The following PRKD1 variants were observed in gnomAD, a reference collection of about 807,000 sequenced individuals.
PRKD1 encodes the protein protein kinase D1.
In PRKD1, 63 loss-of-function variants were observed where a neutral mutation model predicts 95.9. The observed-to-expected ratio is 0.66, with a 90% CI of 0.54 to 0.81. PRKD1 has a LOEUF of 0.81. Ranked by LOEUF, PRKD1 falls within the 30% of genes least tolerant of loss-of-function variation. PRKD1 has a pLI of 0.00. For missense variants in PRKD1, 1,048 were observed against 1,165.3 expected, an observed-to-expected ratio of 0.90 and a Z score of 1.47; for synonymous variants, 425 against 423.1, an observed-to-expected ratio of 1.00 and a Z score of -0.05.
intron 1 of PRKD1, among the ~76,000 whole-genome samples, chr14:29,829,569 A>T (rs1337108358): frequency 6.6e-6 from 1 of 152,136 alleles, no homozygotes; most frequent in Non-Finnish European, 1.5e-5. Context: ...GTTTCTTTGC[A>T]TGTTCATTTG....
chr14:29,716,687 G>A (rs545851027), intron 2 of PRKD1, among the ~76,000 whole-genome samples: 2 of 152,298 alleles, frequency 1.3e-5, no homozygotes, highest in African/African-American at 4.8e-5. Flanking sequence ...TCAAAAAGGA[G>A]TAACTACTGA....
At chr14:29,655,537 C>T (rs1386300789) in intron 4 of PRKD1, among the ~76,000 whole-genome samples, 1 of 152,026 alleles carries the variant, frequency 6.6e-6, no homozygotes, top group African/African-American at 2.4e-5. Context: ...CTCAATTGAC[C>T]AAGGTATAGA....
intron 4 of PRKD1, among the ~76,000 whole-genome samples, chr14:29,647,251 T>C (rs1003627360): frequency 1.3e-5 from 2 of 152,172 alleles, no homozygotes; most frequent in African/African-American, 2.4e-5. Context: ...GCTAAAGTAA[T>C]CGTGGAAGTT....
intron 4 of PRKD1, among the ~76,000 whole-genome samples, chr14:29,660,353 C>T (rs1882123859): frequency 6.6e-6 from 1 of 152,094 alleles, no homozygotes; most frequent in South Asian, 2.1e-4. Flanking sequence ...ATATGTTTGG[C>T]AAGTCTCTGG....
chr14:29,710,157 A>G (rs757180912), intron 2 of PRKD1, among the ~76,000 whole-genome samples: 1 of 152,100 alleles, frequency 6.6e-6, no homozygotes, highest in Non-Finnish European at 1.5e-5. Flanking sequence ...GAAGAGACAA[A>G]TCTTCCTGAT....
intron 4 of PRKD1, chr14:29,656,435 AG>A: frequency 6.6e-7 from 1 of 1,504,550 alleles, no homozygotes; most frequent in Non-Finnish European, 8.9e-7. Flanking sequence ...TGAAAAAGAC[AG>A]TGAAGCAAAT....
At chr14:29,594,355 G>C (rs1893228343) in intron 16 of PRKD1, among the ~76,000 whole-genome samples, 3 of 152,074 alleles carry the variant, frequency 2.0e-5, no homozygotes, top group Non-Finnish European at 4.4e-5. Context: ...AAAATGATAC[G>C]ATCGATCTTT....
chr14:29,682,297 T>C (rs1416618512), intron 2 of PRKD1, among the ~76,000 whole-genome samples: 5 of 152,192 alleles, frequency 3.3e-5, no homozygotes, highest in South Asian at 2.1e-4. Context: ...TACTGAACTA[T>C]GCACTTTGGT....
intron 1 of PRKD1, among the ~76,000 whole-genome samples, chr14:29,829,791 T>C (rs1394730470): frequency 6.6e-6 from 1 of 152,168 alleles, no homozygotes; most frequent in Non-Finnish European, 1.5e-5. Flanking sequence ...TTTTTTTTCA[T>C]TTCACTAAGT....
At position 29,578,316 on chromosome 14, in the gene PRKD1, G is replaced by A; in HGVS notation, c.2479C>T (p.Arg827Cys). 1.2e-6 allele frequency: 2 copies of A among 1,610,290 alleles called. No homozygotes were observed. Among genetic ancestry groups the A allele is most frequent in the Non-Finnish European group, 1.7e-6 (2 of 1,178,568 alleles). Residue 827 changes from arginine to cysteine, a missense_variant, in exon 17 of 18, where the codon CGC (arginine) becomes TGC (cysteine). This residue lies in a region of PRKD1 where 739 missense variants were observed against 861.9 expected (regional missense o/e 0.86). Coordinates refer to ENST00000331968, the MANE Select transcript of PRKD1 (RefSeq NM_002742.3). The stretch of plus-strand genomic sequence containing the variant: ...CTCAAGGTCTTATCCACACTGTAGC[G>A]CTTTCTCATTTTTACTTGCAGCAAA... ...NNLLQVKMRK[R>C]YSVDKTLSHP...
At chr14:29,665,690 G>C (rs1261491834) in intron 3 of PRKD1, among the ~76,000 whole-genome samples, 1 of 152,060 alleles carries the variant, frequency 6.6e-6, no homozygotes, top group African/African-American at 2.4e-5. Context: ...TAAAGAGAAT[G>C]TGGAGTGTAT....
chr14:29,826,850 T>TATATACAC (rs1891210957), intron 1 of PRKD1, among the ~76,000 whole-genome samples: 1 of 87,684 alleles, frequency 1.1e-5, no homozygotes, highest in African/African-American at 4.8e-5. Flanking sequence ...CACACATATA[T>TATATACAC]ATATATATAT....
At chr14:29,908,140 C>CA (rs200786245) in intron 1 of PRKD1, among the ~76,000 whole-genome samples, 11,793 of 65,098 alleles carry the variant, frequency 0.18, 586 homozygotes, top group African/African-American at 0.28. Flanking sequence ...AAAGACAAAG[C>CA]AAAAAAAAAA....
intron 1 of PRKD1, among the ~76,000 whole-genome samples, chr14:29,841,679 G>A (rs1251626540): frequency 2.6e-5 from 4 of 151,924 alleles, no homozygotes; most frequent in South Asian, 2.1e-4. Context: ...TCCTGGTCTC[G>A]GGTATGTCTT....
chr14:29,814,371 CT>C (rs1190005239), intron 1 of PRKD1, among the ~76,000 whole-genome samples: 3 of 152,174 alleles, frequency 2.0e-5, no homozygotes, highest in Non-Finnish European at 4.4e-5. Flanking sequence ...ACAAAAAGCA[CT>C]TAAGAACCTC....
chr14:29,643,326 A>C (rs1280397276), intron 4 of PRKD1, among the ~76,000 whole-genome samples: 2 of 152,190 alleles, frequency 1.3e-5, no homozygotes, highest in Non-Finnish European at 2.9e-5. Flanking sequence ...TAATGATGAA[A>C]GTTGTATTTT....
intron 1 of PRKD1, among the ~76,000 whole-genome samples, chr14:29,894,847 T>C (rs947627725): frequency 8.5e-5 from 13 of 152,330 alleles, no homozygotes; most frequent in African/African-American, 2.6e-4. Flanking sequence ...GCAAGCTTTA[T>C]TGAGCTTCAA....
chr14:29,628,858 T>A (rs1879795508), intron 11 of PRKD1, among the ~76,000 whole-genome samples, 183 bp downstream of exon 11: 2 of 139,524 alleles, frequency 1.4e-5, no homozygotes. Context: ...CAGAATTGAT[T>A]ATAGAAAAAT....
At chr14:29,732,475 T>C (rs2139412698) in intron 1 of PRKD1, among the ~76,000 whole-genome samples, 1 of 152,272 alleles carries the variant, frequency 6.6e-6, no homozygotes, top group Admixed American at 6.5e-5. Context: ...AAAACCAAAA[T>C]AGAATGGTAT....
Sources: allele counts gnomAD v4.1 joint callset (sites outside exome capture counted in the v4.1 genomes callset), GRCh38; gene constraint gnomAD v4.1.1; regional missense constraint gnomAD v4.1.1; transcripts MANE v1.5; gene names NCBI Gene and HGNC (gene_info 2026-07-23, HGNC 2026-07-21).